Variants in PPFIA2 observed in about 807,000 individuals in gnomAD.
The protein encoded by PPFIA2 is PPFI scaffold protein A2.
In PPFIA2, 46 loss-of-function variants were observed where a neutral mutation model predicts 175.5. That is an observed-to-expected ratio of 0.26 (90% confidence interval 0.21 to 0.34). PPFIA2 has a LOEUF of 0.34. PPFIA2 is among the 10% of genes least tolerant of loss of function. PPFIA2 has a pLI of 1.00. For missense variants in PPFIA2, 1,179 were observed against 1,506.1 expected (o/e 0.78, Z 3.60); for synonymous variants, 568 against 511.4 (o/e 1.11, Z -1.49).
In PPFIA2 at chr12:81,716,551, A is replaced by AACACACAC. The variant is rs35938564; in HGVS notation, c.249+37414_249+37421dup. The stretch of plus-strand genomic sequence containing the variant: ...GATAGTAAAATACTTGGAAAGTACC[A>AACACACAC]ACACACACACACACACACACACACA... On this transcript the variant is annotated intron_variant, in intron 3 of 32. Transcript: ENST00000549396. Among the ~76,000 whole-genome samples the AACACACAC allele has an allele frequency of 2.7e-5, 4 of 147,896 alleles. No individual in the cohort carries two copies. In the East Asian group the frequency reaches 8.0e-4, roughly 29 times the overall value.
intron 3 of PPFIA2, among the ~76,000 whole-genome samples, chr12:81,743,499 G>T (rs1462033657): frequency 6.7e-6 from 1 of 149,164 alleles, no homozygotes; most frequent in Non-Finnish European, 1.5e-5. Context: ...GTAGAGTGGT[G>T]GGGGGGTGTT....
Position 81,341,207 on chromosome 12 carries a change from A to G in PPFIA2, c.2264T>C (p.Ile755Thr), listed in dbSNP as rs747023042. ...PSDLRKHRRKIAVVEEDGRED... is the reference protein window; with the variant it reads ...PSDLRKHRRKTAVVEEDGRED... ...TCGACCATCTTCTTCCACAACTGCA[A>G]TCTAGAAGCAAAAACAATACATTCA... The change falls in exon 20 of 33, where the codon ATT (isoleucine) becomes ACT (threonine). Residue 755 changes from isoleucine to threonine, a missense_variant and splice_region_variant. Ile to Thr is a moderately conservative substitution (Grantham distance 89, BLOSUM62 -1). Transcript: ENST00000549396. 3.7e-6 allele frequency: 6 copies of G among 1,610,452 alleles called. No homozygotes were observed. The highest frequency in any genetic ancestry group is 3.4e-5 in the Admixed American group (2 of 59,620).
At chr12:81,660,797 G>C (rs554663189) in intron 4 of PPFIA2, among the ~76,000 whole-genome samples, 1 of 152,316 alleles carries the variant, frequency 6.6e-6, no homozygotes, top group African/African-American at 2.4e-5. Context: ...CAGCCAGAGA[G>C]AAAGGTCGGG....
intron 9 of PPFIA2, among the ~76,000 whole-genome samples, chr12:81,379,567 A>G (rs1224841154): frequency 6.6e-6 from 1 of 152,162 alleles, no homozygotes; most frequent in Admixed American, 6.6e-5. Flanking sequence ...TGTATTTGAT[A>G]TATCATTATC....
At chr12:81,364,307 G>A (rs1260890111) in intron 14 of PPFIA2, among the ~76,000 whole-genome samples, 2 of 151,752 alleles carry the variant, frequency 1.3e-5, no homozygotes, top group African/African-American at 4.8e-5. Flanking sequence ...AAAAGAGGTT[G>A]TAAACCACTT....
chr12:81,721,963 T>C (rs1383740563), intron 3 of PPFIA2, among the ~76,000 whole-genome samples: 1 of 151,152 alleles, frequency 6.6e-6, no homozygotes, highest in Non-Finnish European at 1.5e-5. Context: ...TATTATTATT[T>C]AAAACAATGT....
chr12:81,444,971 G>T (rs893009538), intron 6 of PPFIA2, among the ~76,000 whole-genome samples: 4 of 152,008 alleles, frequency 2.6e-5, no homozygotes, highest in East Asian at 1.9e-4. Context: ...GCTAAGAGAA[G>T]CTTACAGCTA....
At chr12:81,351,857 A>T (rs1195808406) in intron 17 of PPFIA2, among the ~76,000 whole-genome samples, 7 of 151,812 alleles carry the variant, frequency 4.6e-5, no homozygotes, top group African/African-American at 1.7e-4. Flanking sequence ...AGTGAGCCAG[A>T]TCTGAGTTAT....
chr12:81,546,602 A>C (rs1038771298), intron 4 of PPFIA2, among the ~76,000 whole-genome samples: 32 of 152,172 alleles, frequency 2.1e-4, no homozygotes, highest in African/African-American at 2.4e-5. Flanking sequence ...AATATACCCC[A>C]TCTATCACAC....
chr12:81,585,034 A>G (rs1367708047), intron 4 of PPFIA2, among the ~76,000 whole-genome samples: 2 of 78,388 alleles, frequency 2.6e-5, no homozygotes, highest in Non-Finnish European at 5.0e-5. Context: ...TATTAATTAT[A>G]TTTATATATA....
At chr12:81,376,988 AAAGAT>A (rs899405691) in intron 9 of PPFIA2, among the ~76,000 whole-genome samples, 4 of 152,028 alleles carry the variant, frequency 2.6e-5, no homozygotes, top group African/African-American at 4.8e-5. Flanking sequence ...ACTCTAATGA[AAAGAT>A]AGGTTGAATA....
chr12:81,504,103 A>G (rs1032776739), intron 4 of PPFIA2, among the ~76,000 whole-genome samples: 10 of 152,058 alleles, frequency 6.6e-5, no homozygotes, highest in Non-Finnish European at 8.8e-5. Flanking sequence ...GTAATTATAA[A>G]TAAATTAGGT....
intron 4 of PPFIA2, among the ~76,000 whole-genome samples, chr12:81,588,847 G>A (rs527534259): frequency 1.3e-5 from 2 of 152,018 alleles, no homozygotes; most frequent in East Asian, 1.9e-4. Context: ...CACCTGGACT[G>A]TACTCAGTGT....
intron 4 of PPFIA2, among the ~76,000 whole-genome samples, chr12:81,605,679 CTATCTATCTATCTA>C (rs1567544295): frequency 6.6e-6 from 1 of 150,826 alleles, no homozygotes; most frequent in African/African-American, 2.4e-5. Flanking sequence ...ATCTATCTAT[CTATCTATCTATCTA>C]ATCTGTCTAT....
At position 81,258,060 on chromosome 12, in the gene PPFIA2, GA is replaced by G. The variant is rs1287916986; in HGVS notation, c.*1633del. The stretch of plus-strand genomic sequence containing the variant: ...AGATGCCCATGTTTAGATGAGCTTA[GA>G]AAGCTACTTCTCATTGTTCCTACTC... On this transcript the variant is annotated 3_prime_UTR_variant, in exon 33 of 33. Coordinates refer to ENST00000549396, the MANE Select transcript of PPFIA2 (RefSeq NM_003625.5). 1 of 151,992 alleles carries G rather than the reference GA, an allele frequency of 6.6e-6. No homozygotes were observed. The highest frequency in any genetic ancestry group is 1.5e-5 in the Non-Finnish European group (1 of 67,974). The allele number at this position is 151,992 out of a possible 1,614,324, so 9.4% of individuals were successfully genotyped here.
chr12:81,274,666 A>C (rs1193191954), intron 28 of PPFIA2, among the ~76,000 whole-genome samples: 1 of 152,218 alleles, frequency 6.6e-6, no homozygotes, highest in East Asian at 1.9e-4. Context: ...AACAAATTAA[A>C]TGTTAGTAGG....
chr12:81,670,151 G>A (rs961196389), intron 4 of PPFIA2, among the ~76,000 whole-genome samples: 2 of 151,870 alleles, frequency 1.3e-5, no homozygotes, highest in African/African-American at 4.8e-5. Flanking sequence ...AACTTGTTAT[G>A]TTTTAAATTC....
At chr12:81,507,056 A>C (rs2061252232) in intron 4 of PPFIA2, among the ~76,000 whole-genome samples, 1 of 152,196 alleles carries the variant, frequency 6.6e-6, no homozygotes, top group Non-Finnish European at 1.5e-5. Flanking sequence ...GAGAATTGAG[A>C]AAATAGTTAT....
chr12:81,542,501 G>T (rs980307956), intron 4 of PPFIA2, among the ~76,000 whole-genome samples: 1 of 152,110 alleles, frequency 6.6e-6, no homozygotes, highest in African/African-American at 2.4e-5. Context: ...ATATACAAGG[G>T]TTAGAATGCA....
Sources: allele counts gnomAD v4.1 joint callset (sites outside exome capture counted in the v4.1 genomes callset), GRCh38; gene constraint gnomAD v4.1.1; transcripts MANE v1.5; gene names NCBI Gene and HGNC (gene_info 2026-07-23, HGNC 2026-07-21).